SLC44A5: variants seen among roughly 807,000 people sequenced by gnomAD.
SLC44A5 encodes solute carrier family 44 member 5, also known as choline transporter-like protein 5.
In SLC44A5, 57 loss-of-function variants were observed where a neutral mutation model predicts 101.8. The ratio of observed to expected loss-of-function variants is 0.56; its 90% confidence interval spans 0.45 to 0.70. The LOEUF (loss-of-function observed/expected upper bound fraction) is 0.70, where lower values mean the gene tolerates loss of function less well. SLC44A5 is among the 30% of genes least tolerant of loss of function. The pLI, the probability that SLC44A5 is intolerant of heterozygous loss-of-function variation, is 0.00. For synonymous variants in SLC44A5, 281 were observed against 290.9 expected (o/e 0.97, Z 0.35); for missense variants, 737 against 853.1 (o/e 0.86, Z 1.70).
intron 1 of SLC44A5, among the ~76,000 whole-genome samples, chr1:75,544,674 C>T (rs1031414533): frequency 1.3e-5 from 2 of 152,162 alleles, no homozygotes; most frequent in Non-Finnish European, 2.9e-5. Flanking sequence ...AACATTTACG[C>T]AATACTGTTA....
At chr1:75,699,354 T>G in the SLC44A5 span, among the ~76,000 whole-genome samples, 1 of 152,040 alleles carries the variant, frequency 6.6e-6, no homozygotes, top group Non-Finnish European at 1.5e-5. Flanking sequence ...TATTCAACAT[T>G]CGTAAAGAAA....
At chr1:75,667,252 TG>T in the SLC44A5 span, among the ~76,000 whole-genome samples, 1 of 152,156 alleles carries the variant, frequency 6.6e-6, no homozygotes, top group African/African-American at 2.4e-5. Flanking sequence ...ACAAAATCAA[TG>T]CGTGAAAATC....
At chr1:75,235,018 G>A (rs1303352239) in intron 11 of SLC44A5, among the ~76,000 whole-genome samples, 2 of 152,006 alleles carry the variant, frequency 1.3e-5, no homozygotes, top group African/African-American at 4.8e-5. Context: ...TTAAGTTATT[G>A]TCTCAAGTGT....
chr1:75,408,881 T>C (rs1299014267), intron 2 of SLC44A5, among the ~76,000 whole-genome samples: 2 of 152,036 alleles, frequency 1.3e-5, no homozygotes, highest in African/African-American at 2.4e-5. Flanking sequence ...ACTACACAGG[T>C]ACTGTCACTT....
rs572770386 is a variant in SLC44A5, at chr1:75,359,794, G to T, written c.53-20164C>A. ...ACCAATTTACATTCTCACCAACGGT[G>T]CACAGGGTTTGCTTTTCTCTACATC... is the stretch of plus-strand genomic sequence containing the variant. On this transcript the variant is annotated intron_variant, in intron 3 of 23. Transcript: ENST00000370859. Among the ~76,000 whole-genome samples the T allele has an allele frequency of 2.0e-5, 3 of 152,212 alleles. No homozygotes were observed. In the South Asian group the frequency reaches 6.2e-4, roughly 32 times the overall value.
chr1:75,447,206 G>T (rs1448858042), intron 2 of SLC44A5, among the ~76,000 whole-genome samples: 1 of 152,098 alleles, frequency 6.6e-6, no homozygotes, highest in Non-Finnish European at 1.5e-5. Context: ...TAAGTATAAA[G>T]GAGTTGAAGT....
intron 3 of SLC44A5, among the ~76,000 whole-genome samples, chr1:75,395,652 C>A (rs991769645): frequency 6.6e-6 from 1 of 152,056 alleles, no homozygotes; most frequent in Non-Finnish European, 1.5e-5. Flanking sequence ...TTTTCTTATA[C>A]ATTTATTTAA....
chr1:75,664,947 A>T, the SLC44A5 span, among the ~76,000 whole-genome samples: 1 of 149,652 alleles, frequency 6.7e-6, no homozygotes, highest in Non-Finnish European at 1.5e-5. Context: ...AAAAAAAAAG[A>T]AATCACAGAA....
chr1:75,214,820 T>TTAATGATAC, intron 19 of SLC44A5, 142 bp from the exon 20 acceptor site: 51 of 646,170 alleles, frequency 7.9e-5, no homozygotes, highest in South Asian at 3.1e-4. Context: ...TGTGTATTTG[T>TTAATGATAC]GGGACACACT....
intron 23 of SLC44A5, among the ~76,000 whole-genome samples, chr1:75,208,324 A>G (rs1646787685): frequency 6.6e-6 from 1 of 152,036 alleles, no homozygotes; most frequent in Non-Finnish European, 1.5e-5. Context: ...ATGCCTGGCT[A>G]ATTTTTGTAT....
the SLC44A5 span, among the ~76,000 whole-genome samples, chr1:75,721,198 T>C: frequency 6.6e-6 from 1 of 152,180 alleles, no homozygotes; most frequent in Non-Finnish European, 1.5e-5. Flanking sequence ...AGGTTAAATT[T>C]AAATTTTAGA....
chr1:75,221,232 T>C (rs1647072985), intron 14 of SLC44A5, among the ~76,000 whole-genome samples: 1 of 152,160 alleles, frequency 6.6e-6, no homozygotes. Context: ...CTTCAAATAA[T>C]CCTTAAAGAC....
At chr1:75,236,961 A>G (rs780574459) in intron 11 of SLC44A5, 26 bp downstream of exon 11, 1 of 1,277,190 alleles carries the variant, frequency 7.8e-7, no homozygotes, top group South Asian at 1.3e-5. Context: ...GGGCTGGAGA[A>G]GAAACATCTA....
chr1:75,633,421 G>A, the SLC44A5 span, among the ~76,000 whole-genome samples: 1 of 152,102 alleles, frequency 6.6e-6, no homozygotes, highest in South Asian at 2.1e-4. Context: ...AGTTCTCCTT[G>A]AAGAGGTCCT....
chr1:75,291,701 A>G (rs1653557756), intron 5 of SLC44A5, among the ~76,000 whole-genome samples: 1 of 152,106 alleles, frequency 6.6e-6, no homozygotes, highest in Non-Finnish European at 1.5e-5. Context: ...AAAGGAGACC[A>G]GTGTGGTGCT....
At chr1:75,705,390 G>A in the SLC44A5 span, among the ~76,000 whole-genome samples, 1 of 152,066 alleles carries the variant, frequency 6.6e-6, no homozygotes, top group African/African-American at 2.4e-5. Context: ...TTGAAAGAAC[G>A]AATCTATAAA....
At chr1:75,351,979 C>T (rs908207714) in intron 3 of SLC44A5, among the ~76,000 whole-genome samples, 2 of 151,052 alleles carry the variant, frequency 1.3e-5, no homozygotes, top group African/African-American at 4.9e-5. Flanking sequence ...TGTAAAAAAT[C>T]CCCCTTTTTT....
chr1:75,557,137 C>T (rs969488107), intron 1 of SLC44A5, among the ~76,000 whole-genome samples: 1 of 152,078 alleles, frequency 6.6e-6, no homozygotes, highest in East Asian at 1.9e-4. Context: ...TCTGCCATTG[C>T]TACTAAGAGA....
At position 75,274,921 on chromosome 1, in the gene SLC44A5, C is replaced by G. The variant is rs374477783; in HGVS notation, c.260+37G>C. On this transcript the variant is annotated intron_variant, in intron 6 of 23. Transcript: ENST00000370859. ...AGTGATATCTAGGTTCCAGTTTAGA[C>G]AGTAAAATCACACAAAGCAAAGGTG... The G allele has an allele frequency of 2.2e-4, 339 of 1,510,932 alleles. 1 individual carries two copies. The highest frequency in any genetic ancestry group is 4.8e-4 in the Admixed American group (28 of 57,838). The allele number at this position is 1,510,932 out of a possible 1,614,324, so 93.6% of individuals were successfully genotyped here. A position where few individuals can be genotyped will look rare whatever the true frequency, so the allele number is the denominator to read the frequency against.
Sources: gnomAD v4.1 joint callset for allele counts (sites outside exome capture counted in the v4.1 genomes callset) on GRCh38, gnomAD v4.1.1 for gene constraint, MANE v1.5 for transcripts, NCBI Gene and HGNC (gene_info 2026-07-23, HGNC 2026-07-21) for gene names.